The following PTPRD variants were observed in gnomAD, a reference collection of about 807,000 sequenced individuals.
PTPRD encodes the protein receptor-type tyrosine-protein phosphatase delta.
PTPRD carries 34 observed loss-of-function variants against 214.5 expected under a neutral mutation model. That is an observed-to-expected ratio of 0.16 (90% CI 0.12 to 0.21). The LOEUF is 0.21. PTPRD is among the 10% of genes least tolerant of loss of function. The pLI is 1.00. For missense variants in PTPRD, 2,545 were observed against 2,398.7 expected (o/e 1.06, Z -1.27); for synonymous variants, 1,128 against 845.7 (o/e 1.33, Z -5.79).
chr9:9,845,152 C>A (rs7036628), intron 5 of PTPRD, among the ~76,000 whole-genome samples: 1 of 7,902 alleles, frequency 1.3e-4, no homozygotes. Flanking sequence ...ATATATTGCT[C>A]TATATATAGA....
intron 11 of PTPRD, among the ~76,000 whole-genome samples, chr9:8,949,342 T>G (rs1727676408): frequency 6.6e-6 from 1 of 152,186 alleles, no homozygotes; most frequent in African/African-American, 2.4e-5. Context: ...CTTATTATTT[T>G]TAAAGACAAC....
intron 21 of PTPRD, among the ~76,000 whole-genome samples, chr9:8,511,230 G>C (rs190137592): frequency 1.3e-5 from 2 of 151,932 alleles, no homozygotes; most frequent in Admixed American, 6.6e-5. Flanking sequence ...CATAACACCC[G>C]GCTAATTTTT....
At chr9:8,495,128 T>A (rs2097233904) in intron 26 of PTPRD, among the ~76,000 whole-genome samples, 1 of 152,174 alleles carries the variant, frequency 6.6e-6, no homozygotes, top group Non-Finnish European at 1.5e-5. Flanking sequence ...CAATCTGAGC[T>A]CCAGTGGCAT....
chr9:10,347,796 G>A (rs764146193), intron 2 of PTPRD, among the ~76,000 whole-genome samples: 6 of 152,090 alleles, frequency 3.9e-5, no homozygotes, highest in African/African-American at 4.8e-5. Flanking sequence ...AGTGGCTCAC[G>A]CCTGTAATCC....
At chr9:9,198,113 A>G (rs1040375211) in intron 9 of PTPRD, among the ~76,000 whole-genome samples, 1 of 152,234 alleles carries the variant, frequency 6.6e-6, no homozygotes, top group South Asian at 2.1e-4. Flanking sequence ...TTTTGATAAT[A>G]AAATTTGAGG....
At chr9:10,056,539 C>A (rs1044736570) in intron 3 of PTPRD, among the ~76,000 whole-genome samples, 2 of 151,546 alleles carry the variant, frequency 1.3e-5, no homozygotes, top group Non-Finnish European at 2.9e-5. Context: ...TTTTAAATCG[C>A]CTTAGTGTTT....
chr9:8,985,078 C>G (rs1019932137), intron 11 of PTPRD, among the ~76,000 whole-genome samples: 1 of 152,060 alleles, frequency 6.6e-6, no homozygotes, highest in African/African-American at 2.4e-5. Flanking sequence ...AGAAAAACAT[C>G]TCGCAACAGA....
chr9:10,347,346 T>G (rs1381069058), intron 2 of PTPRD, among the ~76,000 whole-genome samples: 1 of 152,152 alleles, frequency 6.6e-6, no homozygotes, highest in African/African-American at 2.4e-5. Context: ...TGTGATAATT[T>G]AATTCACTAG....
At chr9:8,798,979 G>T (rs760442908) in intron 11 of PTPRD, among the ~76,000 whole-genome samples, 85 of 152,108 alleles carry the variant, frequency 5.6e-4, no homozygotes, top group South Asian at 1.0e-3. Flanking sequence ...TCCTTACAGG[G>T]TTATTATAAG....
rs533034425 is a variant in PTPRD at position 10,346,470 on chromosome 9, G to A, written c.-599-5453C>T. On this transcript the variant is annotated intron_variant, in intron 2 of 45. Transcript: ENST00000381196. ...AAATTATATAAGAATATATGATACAGTAATTTAATAATTTAATATCAAAAA... is the reference window on the plus strand; with the variant it reads ...AAATTATATAAGAATATATGATACAATAATTTAATAATTTAATATCAAAAA... 1.2e-3 allele frequency among the ~76,000 whole-genome samples: 180 copies of A among 152,220 alleles called. 1 individual carries two copies. The highest frequency in any genetic ancestry group is 2.0e-3 in the Non-Finnish European group (133 of 68,014).
chr9:9,237,505 G>A (rs1246165943), intron 9 of PTPRD, among the ~76,000 whole-genome samples: 4 of 152,054 alleles, frequency 2.6e-5, no homozygotes, highest in Admixed American at 1.3e-4. Flanking sequence ...CATGTGCCCT[G>A]AACTTAAAAA....
chr9:8,388,935 CA>C (rs1250088735), intron 37 of PTPRD, among the ~76,000 whole-genome samples: 1 of 150,432 alleles, frequency 6.6e-6, no homozygotes, highest in African/African-American at 2.4e-5. Context: ...GAGGTTCAAG[CA>C]AATATTTATT....
intron 7 of PTPRD, among the ~76,000 whole-genome samples, chr9:9,655,204 G>A (rs781056766): frequency 2.6e-5 from 4 of 152,066 alleles, no homozygotes; most frequent in African/African-American, 9.7e-5. Context: ...ACAAGATATA[G>A]CTGATAAAAA....
intron 7 of PTPRD, among the ~76,000 whole-genome samples, chr9:9,719,143 A>C (rs1055706986): frequency 1.3e-5 from 2 of 152,174 alleles, no homozygotes; most frequent in Non-Finnish European, 2.9e-5. Flanking sequence ...TTCTGAGCCC[A>C]TAACATCTCC....
chr9:10,056,439 G>A (rs2097650413), intron 3 of PTPRD, among the ~76,000 whole-genome samples: 3 of 150,366 alleles, frequency 2.0e-5, no homozygotes, highest in Admixed American at 6.6e-5. Flanking sequence ...ATTAGCTGCT[G>A]GAAAGAAAAA....
intron 2 of PTPRD, among the ~76,000 whole-genome samples, chr9:10,426,126 T>C (rs1412435373): frequency 6.6e-6 from 1 of 152,052 alleles, no homozygotes; most frequent in African/African-American, 2.4e-5. Flanking sequence ...TTAAGAAATC[T>C]CTTTCTATAC....
intron 9 of PTPRD, among the ~76,000 whole-genome samples, chr9:9,330,080 T>G (rs2041736769): frequency 6.6e-6 from 1 of 152,118 alleles, no homozygotes; most frequent in South Asian, 2.1e-4. Flanking sequence ...ATAATGCCCT[T>G]TAGCCATGGT....
At chr9:9,510,169 A>G (rs2096666145) in intron 8 of PTPRD, among the ~76,000 whole-genome samples, 1 of 151,754 alleles carries the variant, frequency 6.6e-6, no homozygotes, top group South Asian at 2.1e-4. Flanking sequence ...TCTGTTTTTC[A>G]CAAATCAAGG....
At chr9:8,888,639 G>A (rs1374770721) in intron 11 of PTPRD, among the ~76,000 whole-genome samples, 1 of 152,154 alleles carries the variant, frequency 6.6e-6, no homozygotes, top group Admixed American at 6.5e-5. Context: ...CACCTTGAGG[G>A]TTATTTTTAT....
Sources: allele counts gnomAD v4.1 joint callset (sites outside exome capture counted in the v4.1 genomes callset), GRCh38; gene constraint gnomAD v4.1.1; transcripts MANE v1.5; gene names NCBI Gene and HGNC (gene_info 2026-07-23, HGNC 2026-07-21).